SMOC2: variants seen among roughly 807,000 people sequenced by gnomAD.
SMOC2 encodes SPARC related modular calcium binding 2, also known as SPARC-related modular calcium-binding protein 2.
In SMOC2, 39 loss-of-function variants were observed where a neutral mutation model predicts 61.4. The observed-to-expected ratio is 0.64, with a 90% CI of 0.49 to 0.83. The LOEUF (loss-of-function observed/expected upper bound fraction) is 0.83, where lower values mean the gene tolerates loss of function less well. Ranked by LOEUF, SMOC2 falls within the 40% of genes least tolerant of loss-of-function variation. The pLI is 0.00. For missense variants in SMOC2, 556 were observed against 592.9 expected (o/e 0.94, Z 0.65); for synonymous variants, 247 against 239.9 (o/e 1.03, Z -0.27).
intron 7 of SMOC2, among the ~76,000 whole-genome samples, chr6:168,560,578 GGAGGAGGTGTCA>G (rs1784392602): frequency 9.2e-6 from 1 of 108,876 alleles, no homozygotes; most frequent in Non-Finnish European, 1.9e-5. Flanking sequence ...CTGCATTCTT[GGAGGAGGTGTCA>G]TTTTCCTGCC....
intron 1 of SMOC2, among the ~76,000 whole-genome samples, chr6:168,451,309 G>A (rs887977858): frequency 1.3e-5 from 2 of 152,192 alleles, no homozygotes; most frequent in Non-Finnish European, 2.9e-5. Context: ...TGTGAAGAAC[G>A]TTGTCCCATG....
intron 1 of SMOC2, among the ~76,000 whole-genome samples, chr6:168,461,000 G>A (rs1336291326): frequency 6.6e-6 from 1 of 152,174 alleles, no homozygotes; most frequent in African/African-American, 2.4e-5. Context: ...CAGGCTTTAG[G>A]CAGTATTTTG....
At chr6:168,522,915 G>A (rs1783363256) in intron 2 of SMOC2, among the ~76,000 whole-genome samples, 1 of 152,086 alleles carries the variant, frequency 6.6e-6, no homozygotes, top group African/African-American at 2.4e-5. Context: ...GGGGGAAATG[G>A]GGAATGGCAG....
chr6:168,632,917 T>C (rs1285151441), intron 9 of SMOC2, among the ~76,000 whole-genome samples: 2 of 152,100 alleles, frequency 1.3e-5, no homozygotes, highest in Non-Finnish European at 2.9e-5. Context: ...GCCTTTTGGG[T>C]CCCACCCACC....
chr6:168,649,260 A>C (rs187436268), intron 9 of SMOC2, among the ~76,000 whole-genome samples: 1 of 152,324 alleles, frequency 6.6e-6, no homozygotes, highest in East Asian at 1.9e-4. Context: ...TTTCTTAGTA[A>C]AAAATGGAAT....
chr6:168,633,724 G>T (rs1374391334), intron 9 of SMOC2, among the ~76,000 whole-genome samples: 2 of 152,178 alleles, frequency 1.3e-5, no homozygotes, highest in Non-Finnish European at 2.9e-5. Context: ...TGTTCTTGGA[G>T]CAGAGACACT....
chr6:168,513,617 A>G (rs894470557), intron 2 of SMOC2, among the ~76,000 whole-genome samples: 3 of 152,202 alleles, frequency 2.0e-5, no homozygotes, highest in African/African-American at 7.2e-5. Context: ...CTTCAACCTG[A>G]TTCTTTCAAT....
chr6:168,654,229 C>T (rs1416097346), intron 11 of SMOC2, among the ~76,000 whole-genome samples: 4 of 39,176 alleles, frequency 1.0e-4, no homozygotes, highest in Non-Finnish European at 1.5e-4. Context: ...CAACCCTGCA[C>T]CTGAGCTCCA....
intron 8 of SMOC2, among the ~76,000 whole-genome samples, chr6:168,603,853 T>G (rs1004658106): frequency 6.6e-6 from 1 of 152,192 alleles, no homozygotes; most frequent in Non-Finnish European, 1.5e-5. Context: ...TCCAGCCTGG[T>G]CAGAGGTGGT....
At chr6:168,511,300 CA>C (rs1281164459) in intron 2 of SMOC2, among the ~76,000 whole-genome samples, 6 of 152,148 alleles carry the variant, frequency 3.9e-5, no homozygotes, top group African/African-American at 1.2e-4. Flanking sequence ...TAGTTCTGCA[CA>C]GCTGGGGAGG....
chr6:168,506,248 C>G (rs1352273807), intron 1 of SMOC2, among the ~76,000 whole-genome samples: 1 of 152,136 alleles, frequency 6.6e-6, no homozygotes, highest in Non-Finnish European at 1.5e-5. Context: ...GTGGCCCAGG[C>G]TGGTCTCAAA....
intron 7 of SMOC2, among the ~76,000 whole-genome samples, chr6:168,574,039 A>G (rs1255784963): frequency 6.6e-6 from 1 of 152,230 alleles, no homozygotes; most frequent in Non-Finnish European, 1.5e-5. Flanking sequence ...CTGACTGGGA[A>G]GAATGTCTTG....
rs374647967 is a variant in SMOC2 at position 168,562,846 on chromosome 6, G to T, written c.637+13643G>T. Among the ~76,000 whole-genome samples, 13 of 152,318 alleles carry T rather than the reference G, an allele frequency of 8.5e-5. No homozygotes were observed. In the South Asian group the frequency reaches 2.1e-3, roughly 24 times the overall value. ...TCACGCAGGGATCTGGATCCCTCCA[G>T]GCCGTATTTTCACGGATGACAGTTT... On this transcript the variant is annotated intron_variant, in intron 7 of 12. Coordinates refer to ENST00000356284, the MANE Select transcript of SMOC2 (RefSeq NM_001166412.2).
intron 1 of SMOC2, among the ~76,000 whole-genome samples, chr6:168,463,379 A>G (rs1236497100): frequency 1.3e-5 from 2 of 152,166 alleles, no homozygotes; most frequent in Non-Finnish European, 2.9e-5. Context: ...GTTGCTGCGT[A>G]TGTGCTGAAA....
At chr6:168,479,303 G>T (rs1168479957) in intron 1 of SMOC2, among the ~76,000 whole-genome samples, 1 of 152,242 alleles carries the variant, frequency 6.6e-6, no homozygotes, top group East Asian at 1.9e-4. Context: ...GGAAGACTAT[G>T]TATAGGAGAT....
At chr6:168,614,642 C>T (rs76135196) in intron 9 of SMOC2, among the ~76,000 whole-genome samples, 7,912 of 31,474 alleles carry the variant, frequency 0.25, 9 homozygotes, top group South Asian at 0.28. Flanking sequence ...GGCCTCTTCA[C>T]ACCTACAGCC....
chr6:168,456,873 T>C (rs545848082), intron 1 of SMOC2, among the ~76,000 whole-genome samples: 13 of 152,106 alleles, frequency 8.5e-5, no homozygotes, highest in Non-Finnish European at 1.8e-4. Context: ...GGGTGGGTCG[T>C]CATGTCCACC....
chr6:168,662,875 A>G (rs1787558713), intron 11 of SMOC2, among the ~76,000 whole-genome samples: 1 of 152,204 alleles, frequency 6.6e-6, no homozygotes, highest in Admixed American at 6.5e-5. Context: ...GTTTGCCCTG[A>G]GCAGCTCAAG....
chr6:168,496,544 G>C (rs1782594293), intron 1 of SMOC2, among the ~76,000 whole-genome samples: 3 of 152,342 alleles, frequency 2.0e-5, no homozygotes, highest in Middle Eastern at 3.4e-3. Flanking sequence ...TGGTGGAGTT[G>C]CAGACGGGAC....
Sources: gnomAD v4.1 joint callset for allele counts (sites outside exome capture counted in the v4.1 genomes callset) on GRCh38, gnomAD v4.1.1 for gene constraint, MANE v1.5 for transcripts, NCBI Gene and HGNC (gene_info 2026-07-23, HGNC 2026-07-21) for gene names.